The following TARP variants were observed in gnomAD, a reference collection of about 807,000 sequenced individuals.
chr7:38,259,916 G>T, the TARP span: 6 of 617,928 alleles, frequency 9.7e-6, no homozygotes, highest in Non-Finnish European at 1.4e-5. Context: ...ACAGAGTGAG[G>T]TTCTCTGTGT....
the TARP span, among the ~76,000 whole-genome samples, chr7:38,263,904 T>A: frequency 0.19 from 25,910 of 133,162 alleles, no homozygotes; most frequent in African/African-American, 0.37. Flanking sequence ...TGTCCAAATA[T>A]CTTTAAGGGC....
At chr7:38,272,763 A>G in the TARP span, among the ~76,000 whole-genome samples, 1 of 150,608 alleles carries the variant, frequency 6.6e-6, no homozygotes, top group East Asian at 1.9e-4. Flanking sequence ...CTTTTCTTGC[A>G]CCGCACTTTC....
the TARP span, among the ~76,000 whole-genome samples, chr7:38,270,116 T>C: frequency 5.3e-5 from 8 of 151,934 alleles, no homozygotes; most frequent in East Asian, 1.4e-3. Flanking sequence ...ATAAATGCTA[T>C]GGAAATATAA....
the TARP span, among the ~76,000 whole-genome samples, chr7:38,264,582 ACT>A: frequency 6.7e-6 from 1 of 148,496 alleles, no homozygotes; most frequent in African/African-American, 2.5e-5. Flanking sequence ...CAAGAGTGAA[ACT>A]CTGTCAAAAA....
At chr7:38,271,321 C>A in the TARP span, among the ~76,000 whole-genome samples, 1 of 151,472 alleles carries the variant, frequency 6.6e-6, no homozygotes, top group African/African-American at 2.4e-5. Flanking sequence ...CACCTACATA[C>A]TAAATTTAGA....
At chr7:38,262,266 G>A in the TARP span, 4 of 1,347,014 alleles carry the variant, frequency 3.0e-6, no homozygotes, top group African/African-American at 6.0e-5. Context: ...GTGTGTGTGT[G>A]TAATTAAATG....
chr7:38,270,143 T>C, the TARP span, among the ~76,000 whole-genome samples: 88 of 152,048 alleles, frequency 5.8e-4, no homozygotes, highest in Middle Eastern at 0.014. Context: ...ATGATGATGA[T>C]GATGTCATTG....
chr7:38,265,611 C>T, the TARP span: 7,923 of 1,596,212 alleles, frequency 5.0e-3, 51 homozygotes, highest in Middle Eastern at 0.014. Flanking sequence ...CCTTCTGGAG[C>T]TTTGTTTCAG....
chr7:38,266,387 G>T, the TARP span, among the ~76,000 whole-genome samples: 1 of 151,710 alleles, frequency 6.6e-6, no homozygotes, highest in Admixed American at 6.6e-5. Flanking sequence ...GCTCACTGCA[G>T]TCTCGACTTC....
the TARP span, chr7:38,269,600 T>A: frequency 4.8e-6 from 3 of 624,104 alleles, no homozygotes; most frequent in East Asian, 8.3e-5. Flanking sequence ...CTTCAAATTC[T>A]GGTGGTCTGG....
chr7:38,260,556 A>G, the TARP span, among the ~76,000 whole-genome samples: 1 of 150,816 alleles, frequency 6.6e-6, no homozygotes, highest in Non-Finnish European at 1.5e-5. Flanking sequence ...TGTCTTTCCT[A>G]AATGCCTCTA....
the TARP span, among the ~76,000 whole-genome samples, chr7:38,267,033 G>A: frequency 6.6e-6 from 1 of 151,674 alleles, no homozygotes; most frequent in South Asian, 2.1e-4. Flanking sequence ...TGCACCAGGG[G>A]TGTATTTTTT....
the TARP span, among the ~76,000 whole-genome samples, chr7:38,273,236 G>A: frequency 8.5e-4 from 101 of 118,168 alleles, no homozygotes; most frequent in Admixed American, 1.9e-3. Context: ...AAGGAGGGTA[G>A]CTGATTTTAC....
At chr7:38,265,686 G>T in the TARP span, 1 of 1,560,392 alleles carries the variant, frequency 6.4e-7, no homozygotes, top group Non-Finnish European at 8.7e-7. Context: ...TATCTATGGG[G>T]AGAAATGAAA....
chr7:38,262,284 A>G, the TARP span: 248 of 1,253,682 alleles, frequency 2.0e-4, 1 homozygote, highest in South Asian at 3.0e-3. Context: ...ATGAATATTT[A>G]TAAAACCTGT....
the TARP span, among the ~76,000 whole-genome samples, chr7:38,272,766 G>A: frequency 1.4e-4 from 21 of 150,112 alleles, no homozygotes; most frequent in East Asian, 7.8e-4. Flanking sequence ...TTCTTGCACC[G>A]CACTTTCCTG....
the TARP span, among the ~76,000 whole-genome samples, chr7:38,262,435 C>T: frequency 6.6e-6 from 1 of 151,522 alleles, no homozygotes; most frequent in Non-Finnish European, 1.5e-5. Context: ...GTGAAGAATA[C>T]ATTTTTTCTT....
At chr7:38,261,870 CAAAAAAAAAAA>C in the TARP span, among the ~76,000 whole-genome samples, 1 of 52,468 alleles carries the variant, frequency 1.9e-5, no homozygotes, top group Admixed American at 2.0e-4. Flanking sequence ...AGACTCTGTC[CAAAAAAAAAAA>C]AAAAAGAAAA....
the TARP span, among the ~76,000 whole-genome samples, chr7:38,261,079 T>C: frequency 1.3e-5 from 2 of 151,860 alleles, no homozygotes; most frequent in African/African-American, 4.8e-5. Flanking sequence ...TTATTCTTTG[T>C]TGGCTGATGA....
Sources: allele counts gnomAD v4.1 joint callset (sites outside exome capture counted in the v4.1 genomes callset), GRCh38; gene constraint gnomAD v4.1.1; transcripts MANE v1.5.